Variants in SLC7A1 observed in about 807,000 individuals in gnomAD.
SLC7A1 encodes high affinity cationic amino acid transporter 1.
In SLC7A1, 10 loss-of-function variants were observed where a neutral mutation model predicts 53.9. The observed-to-expected ratio is 0.19, with a 90% confidence interval of 0.11 to 0.31. The LOEUF is 0.31. Ranked by LOEUF, SLC7A1 falls within the 10% of genes least tolerant of loss-of-function variation. The pLI, the probability that SLC7A1 is intolerant of heterozygous loss-of-function variation, is 1.00. For missense variants in SLC7A1, 525 were observed against 827.2 expected, an observed-to-expected ratio of 0.63 and a Z score of 4.48; for synonymous variants, 342 against 338.7, an observed-to-expected ratio of 1.01 and a Z score of -0.11.
At chr13:29,585,644 A>G (rs1434369220) in intron 1 of SLC7A1, among the ~76,000 whole-genome samples, 1 of 152,164 alleles carries the variant, frequency 6.6e-6, no homozygotes, top group African/African-American at 2.4e-5. Context: ...AACAGCCCAG[A>G]GAAAGGCTTT....
intron 8 of SLC7A1, 74 bp from the exon 9 acceptor site, chr13:29,519,623 C>T (rs1394669065): frequency 3.2e-6 from 3 of 926,754 alleles, no homozygotes; most frequent in African/African-American, 1.6e-5. Flanking sequence ...CCACTGCCGC[C>T]CACCATCCAG....
chr13:29,540,616 A>G (rs1869621749), intron 2 of SLC7A1, among the ~76,000 whole-genome samples: 1 of 152,232 alleles, frequency 6.6e-6, no homozygotes, highest in South Asian at 2.1e-4. Flanking sequence ...GGGGGCCAGG[A>G]GGAGTCAAAA....
At chr13:29,560,436 A>T (rs1172212888) in intron 1 of SLC7A1, among the ~76,000 whole-genome samples, 1 of 151,018 alleles carries the variant, frequency 6.6e-6, no homozygotes, top group African/African-American at 2.4e-5. Context: ...CCTAGTATTT[A>T]CATATATACA....
rs116055727 is a variant in SLC7A1 at position 29,524,402 on chromosome 13, G to C, written c.705-149C>G. 1.3e-3 allele frequency: 1,240 copies of C among 959,646 alleles called. 10 individuals are homozygous for C. The African/African-American group carries it at 0.018, about 14-fold the overall frequency. The allele number at this position is 959,646 out of a possible 1,614,324, so 59.4% of individuals were successfully genotyped here. A position where few individuals can be genotyped will look rare whatever the true frequency, so the allele number is the denominator to read the frequency against. Reference sequence around the variant, plus strand: ...CCCTGGGCTTCAGACGCTGAGTCCAGCCACTGCATGCTAACTCCGTGTGTG... The same window carrying C: ...CCCTGGGCTTCAGACGCTGAGTCCACCCACTGCATGCTAACTCCGTGTGTG... On this transcript the variant is annotated intron_variant, in intron 5 of 12. Transcript: ENST00000380752.
At chr13:29,514,625 T>C (rs1883501553) in intron 12 of SLC7A1, 42 bp from the exon 13 acceptor site, 1 of 1,464,980 alleles carries the variant, frequency 6.8e-7, no homozygotes, top group African/African-American at 1.4e-5. Context: ...AGACCGCCGG[T>C]TGCACCACCG....
chr13:29,582,042 G>A (rs542329020), intron 1 of SLC7A1, among the ~76,000 whole-genome samples: 19 of 152,322 alleles, frequency 1.2e-4, no homozygotes, highest in African/African-American at 3.8e-4. Context: ...CTGGCAAGGC[G>A]CTAAAAGCTT....
At chr13:29,583,794 C>G (rs1299307913) in intron 1 of SLC7A1, among the ~76,000 whole-genome samples, 1 of 152,214 alleles carries the variant, frequency 6.6e-6, no homozygotes, top group Non-Finnish European at 1.5e-5. Flanking sequence ...ACCAGCAAGA[C>G]AGACATTCTT....
chr13:29,523,629 A>G, intron 6 of SLC7A1, 141 bp from the exon 7 acceptor site: 5 of 652,138 alleles, frequency 7.7e-6, no homozygotes, highest in Non-Finnish European at 1.3e-5. Context: ...CCCTGTGGGC[A>G]CTGGGGCCTC....
At chr13:29,590,813 T>C (rs1043529382) in intron 1 of SLC7A1, among the ~76,000 whole-genome samples, 1 of 152,094 alleles carries the variant, frequency 6.6e-6, no homozygotes, top group Admixed American at 6.5e-5. Flanking sequence ...TAAAAATTAT[T>C]TTTCTCAGGG....
chr13:29,524,244 T>C lies in SLC7A1; in HGVS notation c.714A>G (p.Lys238=). The part of the protein sequence containing the change: ...SGRLCLNNDT[K]EGKPGVGGFM... ...ATCCACCAACACCGGGCTTCCCTTC[T>C]TTTGTGTCACTAGAAAAAAGAGCCG... Residue 238 remains lysine (K), a synonymous_variant, in exon 6 of 13, where the codon AAA becomes AAG. Transcript: ENST00000380752. The C allele has an allele frequency of 1.2e-6, 2 of 1,614,152 alleles. No homozygotes were observed. The highest frequency in any genetic ancestry group is 1.7e-6 in the Non-Finnish European group (2 of 1,179,998).
intron 1 of SLC7A1, among the ~76,000 whole-genome samples, chr13:29,589,746 G>A (rs1566279950): frequency 1.3e-5 from 2 of 152,186 alleles, no homozygotes; most frequent in African/African-American, 2.4e-5. Context: ...ACACAGGGCA[G>A]GCCAGGCCAG....
chr13:29,595,520 CGGG>C lies in SLC7A1; in HGVS notation c.-222_-220del, dbSNP rs1238557609. 16 of 148,468 alleles carry C rather than the reference CGGG, an allele frequency of 1.1e-4. No individual in the cohort carries two copies. The highest frequency in any genetic ancestry group is 6.0e-4 in the Admixed American group (9 of 14,964). 9.2% of individuals were successfully genotyped at this position (148,468 alleles called of 1,614,324 possible). A position where few individuals can be genotyped will look rare whatever the true frequency, so the allele number is the denominator to read the frequency against. ...GCCGGCGAGACCGGGCGGGGCGGGG[CGGG>C]GCGGGGGCGCGGCGCGCGGGGAGAG... On this transcript the variant is annotated 5_prime_UTR_variant, in exon 1 of 13. Coordinates refer to ENST00000380752, the MANE Select transcript of SLC7A1 (RefSeq NM_003045.5).
intron 1 of SLC7A1, among the ~76,000 whole-genome samples, chr13:29,575,155 C>CTTT (rs1488841973): frequency 1.3e-5 from 2 of 152,202 alleles, no homozygotes; most frequent in Non-Finnish European, 2.9e-5. Flanking sequence ...TCAGAAGGCA[C>CTTT]TTTTTCTAGG....
chr13:29,565,870 A>G (rs1388887071), intron 1 of SLC7A1, among the ~76,000 whole-genome samples: 2 of 152,074 alleles, frequency 1.3e-5, no homozygotes, highest in East Asian at 3.9e-4. Flanking sequence ...AAGCTTCCTA[A>G]CGCAGCAGCA....
chr13:29,535,891 A>G lies in SLC7A1; in HGVS notation c.298T>C (p.Tyr100His). 6.2e-7 allele frequency: 1 copy of G among 1,614,226 alleles called. No individual in the cohort carries two copies. Among genetic ancestry groups the G allele is most frequent in the Non-Finnish European group, 8.5e-7 (1 of 1,180,040 alleles). The change falls in exon 3 of 13, where the codon TAC (tyrosine) becomes CAC (histidine). Residue 100 changes from tyrosine to histidine, a missense_variant. By Grantham distance (83) the Tyr-to-His change is moderately conservative (BLOSUM62 2). Transcript: ENST00000380752. ...RVPKTGSAYL[Y>H]SYVTVGELWA... is the part of the protein sequence containing the mutation. ...AGCTCTCCAACGGTGACATAGCTGT[A>G]GAGGTAAGCTGAGCCCGTCTTGGGG...
chr13:29,514,760 G>A (rs1883505921), intron 12 of SLC7A1, among the ~76,000 whole-genome samples, 177 bp from the exon 13 acceptor site: 1 of 152,206 alleles, frequency 6.6e-6, no homozygotes, highest in Non-Finnish European at 1.5e-5. Context: ...GCTGCCACAC[G>A]AAGGCCACTG....
At chr13:29,570,770 T>G (rs1273133442) in intron 1 of SLC7A1, among the ~76,000 whole-genome samples, 4 of 151,024 alleles carry the variant, frequency 2.6e-5, no homozygotes, top group Non-Finnish European at 5.9e-5. Context: ...GACGGGAGGA[T>G]CACTTGAGCC....
intron 1 of SLC7A1, chr13:29,586,736 AC>A (rs1195798877): frequency 6.6e-6 from 1 of 152,160 alleles, no homozygotes; most frequent in Non-Finnish European, 1.5e-5. Context: ...AATCTCAGAG[AC>A]CCCACTATTT....
intron 3 of SLC7A1, 25 bp downstream of exon 3, chr13:29,535,794 C>T (rs781499116): frequency 6.3e-5 from 101 of 1,596,006 alleles, no homozygotes; most frequent in East Asian, 1.1e-4. Flanking sequence ...GTAGAGGGCA[C>T]GAGCTCCGGA....
Sources: gnomAD v4.1 joint callset for allele counts (sites outside exome capture counted in the v4.1 genomes callset) on GRCh38, gnomAD v4.1.1 for gene constraint, MANE v1.5 for transcripts, NCBI Gene and HGNC (gene_info 2026-07-23, HGNC 2026-07-21) for gene names.